Variants in TRAF1 observed in about 807,000 individuals in gnomAD.
TRAF1 encodes TNF receptor associated factor 1.
In TRAF1, 23 loss-of-function variants were observed where a neutral mutation model predicts 40.9. That is an observed-to-expected ratio of 0.56 (90% CI 0.40 to 0.80). The LOEUF is 0.80. Ranked by LOEUF, TRAF1 falls within the 30% of genes least tolerant of loss-of-function variation. The pLI, the probability that TRAF1 is intolerant of heterozygous loss-of-function variation, is 0.00. For synonymous variants in TRAF1, 206 were observed against 218.8 expected (o/e 0.94, Z 0.52); for missense variants, 477 against 528.7 (o/e 0.90, Z 0.96).
intron 5 of TRAF1, among the ~76,000 whole-genome samples, chr9:120,912,202 G>A (rs555506989): frequency 1.7e-4 from 26 of 152,258 alleles, no homozygotes; most frequent in Non-Finnish European, 3.5e-4. Context: ...AGACCCACAC[G>A]GCAGGTGGCT....
upstream of TRAF1, chr9:120,928,160 G>A (rs1156252430): frequency 1.3e-5 from 2 of 152,276 alleles, no homozygotes; most frequent in African/African-American, 4.8e-5. Context: ...AGAAAACTGA[G>A]GCACAGAGAG....
intron 3 of TRAF1, among the ~76,000 whole-genome samples, chr9:120,922,047 A>T (rs947148435): frequency 1.3e-5 from 2 of 152,240 alleles, no homozygotes; most frequent in African/African-American, 4.8e-5. Flanking sequence ...ACCCCTGGAC[A>T]TCAGGCTCCT....
At position 120,922,900 on chromosome 9, in the gene TRAF1, C is replaced by T. The variant is rs1437559867; in HGVS notation, c.228+805G>A. ...CTACCCAGGCTGGAGTGTAGTGGCACGATCATGGTTCACTGCAGCCTCGAC... is the reference window on the plus strand; with the variant it reads ...CTACCCAGGCTGGAGTGTAGTGGCATGATCATGGTTCACTGCAGCCTCGAC... On this transcript the variant is annotated intron_variant, in intron 3 of 7. Coordinates refer to ENST00000373887, the MANE Select transcript of TRAF1 (RefSeq NM_005658.5). Among the ~76,000 whole-genome samples the T allele has an allele frequency of 3.9e-5, 6 of 152,208 alleles. No individual in the cohort carries two copies. The East Asian group carries it at 7.7e-4, about 20-fold the overall frequency.
chr9:120,920,098 A>C (rs1157702324), intron 3 of TRAF1, among the ~76,000 whole-genome samples: 3 of 152,206 alleles, frequency 2.0e-5, no homozygotes, highest in African/African-American at 7.2e-5. Flanking sequence ...TTGGGGGTTT[A>C]TTCCCAGGTA....
At chr9:120,906,789 A>G (rs976436771) in intron 7 of TRAF1, among the ~76,000 whole-genome samples, 8 of 152,118 alleles carry the variant, frequency 5.3e-5, no homozygotes, top group Admixed American at 3.3e-4. Flanking sequence ...TGCTCCCAAA[A>G]TCCCCTGTGC....
intron 3 of TRAF1, among the ~76,000 whole-genome samples, chr9:120,916,894 G>C (rs546495078): frequency 6.6e-6 from 1 of 152,124 alleles, no homozygotes; most frequent in Non-Finnish European, 1.5e-5. Flanking sequence ...TGTAGACCTG[G>C]CTCCTTGGTG....
rs375887197 is a variant in TRAF1, at chr9:120,913,460, C to G, written c.573G>C (p.Glu191Asp). The change falls in exon 5 of 8, where the codon GAG becomes GAC. Residue 191 changes from glutamate to aspartate, a missense_variant. Glu to Asp is a conservative substitution (Grantham distance 45). Coordinates refer to ENST00000373887, the MANE Select transcript of TRAF1 (RefSeq NM_005658.5). ...FMKEKLLAELEGKLRVFENIV... is the reference protein window; with the variant it reads ...FMKEKLLAELDGKLRVFENIV... ...TGTTCTCAAACACACGCAGCTTCCC[C>G]TCCAGCTCAGCCAGAAGCTTCTCCT... The G allele has an allele frequency of 1.2e-6, 2 of 1,614,028 alleles. 1 individual carries two copies. Among genetic ancestry groups the G allele is most frequent in the East Asian group, 4.5e-5 (2 of 44,882 alleles).
At chr9:120,908,011 G>A (rs1490312975) in intron 7 of TRAF1, among the ~76,000 whole-genome samples, 1 of 152,076 alleles carries the variant, frequency 6.6e-6, no homozygotes, top group East Asian at 1.9e-4. Context: ...TCCCACCTAA[G>A]CCTCCCAAGT....
At chr9:120,906,173 GTTTT>G (rs35324048) in intron 7 of TRAF1, among the ~76,000 whole-genome samples, 1 of 84,878 alleles carries the variant, frequency 1.2e-5, no homozygotes, top group African/African-American at 4.4e-5. Context: ...ATTATGGTGT[GTTTT>G]TTTTTTTTTT....
At chr9:120,910,205 C>T (rs943636105) in intron 6 of TRAF1, among the ~76,000 whole-genome samples, 2 of 152,148 alleles carry the variant, frequency 1.3e-5, no homozygotes, top group East Asian at 1.9e-4. Context: ...TTGCCCATTA[C>T]GTTTTGGTAG....
Position 120,914,274 on chromosome 9 carries a change from T to C in TRAF1, c.255A>G (p.Gly85=). The C allele has an allele frequency of 6.5e-7, 1 of 1,536,702 alleles. No individual in the cohort carries two copies. Among genetic ancestry groups the C allele is most frequent in the Non-Finnish European group, 8.8e-7 (1 of 1,131,038 alleles). Residue 85 remains glycine (G), a synonymous_variant, in exon 4 of 8, where the codon GGA becomes GGG. Transcript: ENST00000373887. ...CGACACCTGCAAAGGGGCACCCAAT[T>C]CCAGCCTCAGCCACCTCGGGGTGAG... is the stretch of plus-strand genomic sequence containing the variant. ...EKAHPEVAEA[G]IGCPFAGVGC...
chr9:120,928,298 C>T (rs2131639466), upstream of TRAF1: 1 of 152,392 alleles, frequency 6.6e-6, no homozygotes, highest in Admixed American at 6.5e-5. Context: ...TCTACTCTCG[C>T]CTCACCTAAC....
At chr9:120,916,794 A>G (rs1469401782) in intron 3 of TRAF1, among the ~76,000 whole-genome samples, 2 of 151,698 alleles carry the variant, frequency 1.3e-5, no homozygotes, top group East Asian at 3.9e-4. Flanking sequence ...TGGCAGGGAG[A>G]CCGTGCTGGC....
At chr9:120,925,664 C>G (rs1402409544) in intron 2 of TRAF1, among the ~76,000 whole-genome samples, 1 of 152,234 alleles carries the variant, frequency 6.6e-6, no homozygotes, top group Non-Finnish European at 1.5e-5. Flanking sequence ...AGCACCAGAC[C>G]ACACAGTGAG....
chr9:120,928,687 C>A (rs542335861), upstream of TRAF1: 1 of 152,372 alleles, frequency 6.6e-6, no homozygotes, highest in South Asian at 2.1e-4. Context: ...CACGGGAAGT[C>A]TCCGTGGGCC....
At position 120,911,369 on chromosome 9, in the gene TRAF1, C is replaced by T. The variant is rs182865002; in HGVS notation, c.850G>A (p.Ala284Thr). ...AAGAGGCTGACGGTCCTGCCACAGG[C>T]CGACTCATGGCACCGCCTGGTGACA... is the stretch of plus-strand genomic sequence containing the variant. The part of the protein sequence containing the change: ...TNVTRRCHES[A>T]CGRTVSLFSP... Residue 284 changes from alanine to threonine, a missense_variant, in exon 6 of 8, where the codon GCC becomes ACC. Physicochemically the swap from Ala to Thr is moderately conservative, Grantham distance 58. Coordinates refer to ENST00000373887, the MANE Select transcript of TRAF1 (RefSeq NM_005658.5). 67 of 1,613,628 alleles carry T rather than the reference C, an allele frequency of 4.2e-5. No individual in the cohort carries two copies. The East Asian group carries it at 1.4e-3, about 33-fold the overall frequency.
In TRAF1 at chr9:120,904,871, A is replaced by G; in HGVS notation, c.*149T>C. The G allele has an allele frequency of 3.7e-6, 3 of 804,522 alleles. No individual in the cohort carries two copies. The highest frequency in any genetic ancestry group is 3.9e-6 in the Non-Finnish European group (2 of 516,270). The allele number at this position is 804,522 out of a possible 1,614,324, so 49.8% of individuals were successfully genotyped here. ...GTCCTGCCATCCTAACCAGATGGCC[A>G]GCCCGAAGTCGACCCCTCAGTCTTG... On this transcript the variant is annotated 3_prime_UTR_variant, in exon 8 of 8. Coordinates refer to ENST00000373887, the MANE Select transcript of TRAF1 (RefSeq NM_005658.5).
chr9:120,920,989 A>G (rs1034056239), intron 3 of TRAF1, among the ~76,000 whole-genome samples: 1 of 152,066 alleles, frequency 6.6e-6, no homozygotes, highest in Admixed American at 6.5e-5. Flanking sequence ...TCCTTCCCCT[A>G]TGTGGCTTTG....
chr9:120,927,208 GAGTACCC>G (rs1588154821), upstream of TRAF1: 1 of 152,198 alleles, frequency 6.6e-6, no homozygotes, highest in Non-Finnish European at 1.5e-5. Flanking sequence ...ATGGAGATCA[GAGTACCC>G]AGCTCTTGTC....
Sources: allele counts gnomAD v4.1 joint callset (sites outside exome capture counted in the v4.1 genomes callset), GRCh38; gene constraint gnomAD v4.1.1; transcripts MANE v1.5; gene names NCBI Gene and HGNC (gene_info 2026-07-23, HGNC 2026-07-21).